Variants in EPHA3 observed in about 807,000 individuals in gnomAD.
EPHA3 encodes the protein ephrin type-A receptor 3.
EPHA3 carries 42 observed loss-of-function variants against 107.1 expected under a neutral mutation model. The observed-to-expected ratio is 0.39, with a 90% CI of 0.31 to 0.51. The LOEUF (loss-of-function observed/expected upper bound fraction) is 0.51. Among genes scored for constraint, EPHA3 ranks in the 20% least tolerant of loss-of-function variants. The pLI is 0.78. For synonymous variants in EPHA3, 461 were observed against 424.8 expected (o/e 1.09, Z -1.05); for missense variants, 1,183 against 1,211.2 (o/e 0.98, Z 0.35).
chr3:89,420,723 G>A (rs1209043549), intron 11 of EPHA3, among the ~76,000 whole-genome samples: 1 of 151,352 alleles, frequency 6.6e-6, no homozygotes, highest in African/African-American at 2.4e-5. Flanking sequence ...TGGGATTTTA[G>A]TGTCATTTAG....
chr3:89,435,393 A>G (rs1709647122), intron 13 of EPHA3, among the ~76,000 whole-genome samples: 1 of 149,778 alleles, frequency 6.7e-6, no homozygotes, highest in Non-Finnish European at 1.5e-5. Flanking sequence ...TAAGCTCAGG[A>G]GTTTGAGACC....
chr3:89,369,605 T>G (rs566038210), intron 5 of EPHA3, among the ~76,000 whole-genome samples: 2 of 149,676 alleles, frequency 1.3e-5, no homozygotes. Flanking sequence ...GGCAAGGACT[T>G]CATGTCTAAA....
chr3:89,370,050 A>G (rs376111047), intron 5 of EPHA3, among the ~76,000 whole-genome samples: 1 of 148,684 alleles, frequency 6.7e-6, no homozygotes, highest in Non-Finnish European at 1.5e-5. Flanking sequence ...CACTTTTACA[A>G]TGTTGGTGGG....
At chr3:89,137,750 T>C (rs1460657419) in intron 2 of EPHA3, among the ~76,000 whole-genome samples, 6 of 151,928 alleles carry the variant, frequency 3.9e-5, no homozygotes, top group Non-Finnish European at 7.4e-5. Flanking sequence ...AGAAGAAAAA[T>C]GTCAAAGGGG....
intron 2 of EPHA3, among the ~76,000 whole-genome samples, chr3:89,178,296 A>G (rs1243727555): frequency 6.6e-6 from 1 of 152,134 alleles, no homozygotes. Flanking sequence ...ATGTTATTAC[A>G]TCTTCTAAAT....
chr3:89,295,327 T>C (rs1706319735), intron 3 of EPHA3, among the ~76,000 whole-genome samples: 1 of 152,128 alleles, frequency 6.6e-6, no homozygotes, highest in Non-Finnish European at 1.5e-5. Flanking sequence ...TCGTGGAGGA[T>C]CTTGCCTCAA....
intron 3 of EPHA3, among the ~76,000 whole-genome samples, chr3:89,324,133 A>T (rs1281699502): frequency 1.3e-5 from 2 of 151,288 alleles, no homozygotes; most frequent in Non-Finnish European, 2.9e-5. Flanking sequence ...CAACTGCTCA[A>T]TGTGGAACTT....
intron 3 of EPHA3, among the ~76,000 whole-genome samples, chr3:89,243,836 A>G (rs1398351346): frequency 6.6e-6 from 1 of 152,088 alleles, no homozygotes; most frequent in Non-Finnish European, 1.5e-5. Flanking sequence ...TCTTAAAGCC[A>G]TTTGGTGAGA....
At position 89,395,968 on chromosome 3, in the gene EPHA3, A is replaced by T. The variant is rs770856444; in HGVS notation, c.1431+7A>T. 9 of 1,613,704 alleles carry T rather than the reference A, an allele frequency of 5.6e-6. No homozygotes were observed. The highest frequency in any genetic ancestry group is 7.6e-6 in the Non-Finnish European group (9 of 1,179,780). On this transcript the variant is annotated splice_region_variant and intron_variant, in intron 6 of 16. Coordinates refer to ENST00000336596, the MANE Select transcript of EPHA3 (RefSeq NM_005233.6). ...GGTCAAATACTATGAAAAGGTGGGG[A>T]AACAATGTTTAAGGGTTGGGCTGTG...
chr3:89,441,502 A>G (rs563094575), intron 13 of EPHA3, among the ~76,000 whole-genome samples: 14 of 152,330 alleles, frequency 9.2e-5, no homozygotes, highest in African/African-American at 3.1e-4. Context: ...TGGTTAAAAA[A>G]CACATCTTCA....
intron 13 of EPHA3, among the ~76,000 whole-genome samples, chr3:89,445,245 C>T (rs1430092676): frequency 6.6e-6 from 1 of 152,080 alleles, no homozygotes; most frequent in Non-Finnish European, 1.5e-5. Context: ...CATTCCAGAC[C>T]TAACTGTCTA....
intron 3 of EPHA3, among the ~76,000 whole-genome samples, chr3:89,298,492 C>T (rs1467050683): frequency 6.6e-6 from 1 of 152,066 alleles, no homozygotes; most frequent in African/African-American, 2.4e-5. Context: ...TTCTTTGTTG[C>T]CTGATATCCA....
intron 13 of EPHA3, among the ~76,000 whole-genome samples, chr3:89,445,484 G>T (rs1378644621): frequency 6.6e-6 from 1 of 152,158 alleles, no homozygotes; most frequent in Non-Finnish European, 1.5e-5. Flanking sequence ...GCGAGGAAAA[G>T]AACTGGTACA....
At chr3:89,311,510 A>G (rs1240628780) in intron 3 of EPHA3, among the ~76,000 whole-genome samples, 1 of 152,002 alleles carries the variant, frequency 6.6e-6, no homozygotes, top group Non-Finnish European at 1.5e-5. Flanking sequence ...TATATCATGT[A>G]CTTAGCCTGG....
At chr3:89,279,983 T>C (rs377474268) in intron 3 of EPHA3, among the ~76,000 whole-genome samples, 1 of 152,006 alleles carries the variant, frequency 6.6e-6, no homozygotes, top group Non-Finnish European at 1.5e-5. Context: ...GGAAAATATA[T>C]AGAGTTATTG....
intron 3 of EPHA3, among the ~76,000 whole-genome samples, chr3:89,246,258 A>G (rs181748986): frequency 5.9e-4 from 90 of 152,300 alleles, no homozygotes; most frequent in Non-Finnish European, 1.2e-3. Context: ...TTTATATTTT[A>G]TTTATAACAG....
chr3:89,245,419 A>G (rs1310083957), intron 3 of EPHA3, among the ~76,000 whole-genome samples: 1 of 152,220 alleles, frequency 6.6e-6, no homozygotes, highest in Admixed American at 6.5e-5. Context: ...TCATGTCTGT[A>G]TACTAATCAA....
chr3:89,256,722 C>CA (rs1479269059), intron 3 of EPHA3, among the ~76,000 whole-genome samples: 1 of 151,996 alleles, frequency 6.6e-6, no homozygotes, highest in Non-Finnish European at 1.5e-5. Context: ...GCTGAATATG[C>CA]AAAAAATATT....
chr3:89,170,030 C>G (rs1213291698), intron 2 of EPHA3, among the ~76,000 whole-genome samples: 1 of 151,934 alleles, frequency 6.6e-6, no homozygotes, highest in Admixed American at 6.6e-5. Flanking sequence ...GGGTAGATCA[C>G]GAGGTCAGGG....
Sources: gnomAD v4.1 joint callset for allele counts (sites outside exome capture counted in the v4.1 genomes callset) on GRCh38, gnomAD v4.1.1 for gene constraint, MANE v1.5 for transcripts, NCBI Gene and HGNC (gene_info 2026-07-23, HGNC 2026-07-21) for gene names.